The following SMKR1 variants were observed in gnomAD, a reference collection of about 807,000 sequenced individuals.
SMKR1 encodes the protein small lysine rich protein 1.
Under a neutral mutation model 4.0 loss-of-function variants are expected in SMKR1, and 4 were observed. That is an observed-to-expected ratio of 1.00 (90% CI 0.49 to 2.30). SMKR1 has a LOEUF of 2.30. Ranked by LOEUF, SMKR1 falls within the 30% of genes most tolerant of loss-of-function variation. The probability of loss-of-function intolerance (pLI) is 0.02; values close to 1 mark genes in which losing one functional copy is unlikely to be tolerated. For missense variants in SMKR1, 56 were observed against 81.8 expected (o/e 0.68, Z 1.22); for synonymous variants, 38 against 32.5 (o/e 1.17, Z -0.58).
intron 1 of SMKR1, among the ~76,000 whole-genome samples, chr7:129,505,243 T>G (rs1209633818): frequency 1.3e-5 from 2 of 152,214 alleles, no homozygotes; most frequent in Non-Finnish European, 1.5e-5. Flanking sequence ...CAACAATTAC[T>G]ATTAACTAGT....
intron 1 of SMKR1, among the ~76,000 whole-genome samples, chr7:129,507,372 A>G (rs981427352): frequency 2.0e-5 from 3 of 146,998 alleles, no homozygotes; most frequent in African/African-American, 7.6e-5. Context: ...CTGATCTTGA[A>G]CTCCTGGGCT....
At chr7:129,508,039 G>A (rs1358396358) in intron 1 of SMKR1, among the ~76,000 whole-genome samples, 1 of 152,166 alleles carries the variant, frequency 6.6e-6, no homozygotes, top group Non-Finnish European at 1.5e-5. Flanking sequence ...GTTTTCATGA[G>A]TTGTGCTTTT....
chr7:129,502,945 G>A, intron 1 of SMKR1, 118 bp downstream of exon 1: 1 of 1,410,350 alleles, frequency 7.1e-7, no homozygotes, highest in Non-Finnish European at 9.5e-7. Flanking sequence ...ACCTCAACGC[G>A]TGGCGAAAAG....
chr7:129,512,184 C>A, intron 1 of SMKR1, 63 bp from the exon 2 acceptor site: 1 of 1,420,798 alleles, frequency 7.0e-7, no homozygotes, highest in Non-Finnish European at 9.2e-7. Flanking sequence ...AACCCTGTCT[C>A]AAAAAAAACA....
intron 1 of SMKR1, among the ~76,000 whole-genome samples, chr7:129,504,726 T>A (rs866896384): frequency 3.3e-5 from 5 of 152,150 alleles, no homozygotes; most frequent in African/African-American, 9.7e-5. Flanking sequence ...GCTAATTTTT[T>A]AAATTTTTGT....
At chr7:129,507,266 C>T (rs1310853341) in intron 1 of SMKR1, among the ~76,000 whole-genome samples, 2 of 152,122 alleles carry the variant, frequency 1.3e-5, no homozygotes, top group Non-Finnish European at 2.9e-5. Flanking sequence ...CCGCCCACCT[C>T]GGACTCCCAA....
chr7:129,512,643 T>A lies in SMKR1; in HGVS notation c.*202T>A. On this transcript the variant is annotated 3_prime_UTR_variant, in exon 2 of 2. Coordinates refer to ENST00000462322, the MANE Select transcript of SMKR1 (RefSeq NM_001195243.2). The stretch of plus-strand genomic sequence containing the variant: ...CAGATATGGTTAGCCACTTTGGTTT[T>A]TTAGGAGCTATAGGATGGGAAAAGC... 1.8e-6 allele frequency: 1 copy of A among 546,972 alleles called. No individual in the cohort carries two copies. Among genetic ancestry groups the A allele is most frequent in the African/African-American group, 1.9e-5 (1 of 51,334 alleles). The allele number at this position is 546,972 out of a possible 1,614,324, so 33.9% of individuals were successfully genotyped here.
intron 1 of SMKR1, among the ~76,000 whole-genome samples, chr7:129,504,932 G>A (rs1442120867): frequency 6.6e-6 from 1 of 152,192 alleles, no homozygotes; most frequent in Non-Finnish European, 1.5e-5. Context: ...AGACCTCACT[G>A]GACTGTAAGC....
intron 1 of SMKR1, among the ~76,000 whole-genome samples, chr7:129,504,200 T>A (rs974376322): frequency 2.0e-5 from 3 of 152,220 alleles, no homozygotes; most frequent in African/African-American, 7.2e-5. Context: ...AAATGCCAGT[T>A]AATTCATGCT....
chr7:129,504,327 C>T (rs747248185), intron 1 of SMKR1, among the ~76,000 whole-genome samples: 3 of 152,192 alleles, frequency 2.0e-5, no homozygotes, highest in Non-Finnish European at 4.4e-5. Flanking sequence ...GTGGGCTGGC[C>T]ATGTTGGCCT....
At chr7:129,502,891 C>A (rs1185448702) in intron 1 of SMKR1, 64 bp downstream of exon 1, 3 of 1,530,758 alleles carry the variant, frequency 2.0e-6, no homozygotes, top group Admixed American at 2.0e-5. Context: ...CAGGCTGTCC[C>A]GGAGAGGCGC....
At chr7:129,504,182 A>G (rs529723441) in intron 1 of SMKR1, among the ~76,000 whole-genome samples, 1 of 152,256 alleles carries the variant, frequency 6.6e-6, no homozygotes, top group East Asian at 1.9e-4. Context: ...GTACATAGCC[A>G]TTGAAGCAAA....
intron 1 of SMKR1, among the ~76,000 whole-genome samples, chr7:129,507,447 G>A (rs1405912588): frequency 2.0e-5 from 3 of 152,142 alleles, no homozygotes; most frequent in Non-Finnish European, 4.4e-5. Context: ...ACTGTACCCA[G>A]CCTGTTTCCA....
chr7:129,510,467 C>T (rs1048197437), intron 1 of SMKR1, among the ~76,000 whole-genome samples: 3 of 152,184 alleles, frequency 2.0e-5, no homozygotes, highest in Admixed American at 1.3e-4. Flanking sequence ...GGCACAGTGG[C>T]TCAAGCCTGT....
intron 1 of SMKR1, among the ~76,000 whole-genome samples, chr7:129,504,783 G>A (rs1039846077): frequency 5.9e-5 from 9 of 152,164 alleles, no homozygotes; most frequent in Non-Finnish European, 2.9e-5. Flanking sequence ...CAAACTGGGT[G>A]CAAGTGATCC....
At chr7:129,509,249 G>A (rs1799501307) in intron 1 of SMKR1, among the ~76,000 whole-genome samples, 1 of 152,158 alleles carries the variant, frequency 6.6e-6, no homozygotes, top group Non-Finnish European at 1.5e-5. Context: ...GGAGGCAGAG[G>A]TTGCAGTGAG....
Position 129,512,537 on chromosome 7 carries a change from A to G in SMKR1, c.*96A>G. The G allele has an allele frequency of 8.4e-7, 1 of 1,191,288 alleles. No homozygotes were observed. Among genetic ancestry groups the G allele is most frequent in the Non-Finnish European group, 1.1e-6 (1 of 886,126 alleles). 73.8% of individuals were successfully genotyped at this position (1,191,288 alleles called of 1,614,324 possible). On this transcript the variant is annotated 3_prime_UTR_variant, in exon 2 of 2. Transcript: ENST00000462322. ...TTGCCAGCAACATAGACTTTACTCC[A>G]GACGACTTGAGATGCAAATTAAGTG...
intron 1 of SMKR1, among the ~76,000 whole-genome samples, chr7:129,511,710 T>A (rs1224707513): frequency 6.6e-6 from 1 of 152,248 alleles, no homozygotes; most frequent in Admixed American, 6.5e-5. Context: ...AATTAAACTT[T>A]GCTCTCAAAA....
At position 129,512,806 on chromosome 7, in the gene SMKR1, C is replaced by A; in HGVS notation, c.*365C>A. 6.0e-6 allele frequency: 1 copy of A among 167,196 alleles called. No homozygotes were observed. Among genetic ancestry groups the A allele is most frequent in the Non-Finnish European group, 1.3e-5 (1 of 79,054 alleles). The allele number at this position is 167,196 out of a possible 1,614,324, so 10.4% of individuals were successfully genotyped here. A position where few individuals can be genotyped will look rare whatever the true frequency, so the allele number is the denominator to read the frequency against. Reference sequence around the variant, plus strand: ...TTTTCTTTTGCCAAAGAGCGTTTGTCATTTAGAGAAGACACGGCAAGAAAC... The same window carrying A: ...TTTTCTTTTGCCAAAGAGCGTTTGTAATTTAGAGAAGACACGGCAAGAAAC... On this transcript the variant is annotated 3_prime_UTR_variant, in exon 2 of 2. Transcript: ENST00000462322.
Sources: gnomAD v4.1 joint callset for allele counts (sites outside exome capture counted in the v4.1 genomes callset) on GRCh38, gnomAD v4.1.1 for gene constraint, MANE v1.5 for transcripts, NCBI Gene and HGNC (gene_info 2026-07-23, HGNC 2026-07-21) for gene names.